The following AK7 variants were observed in gnomAD, a reference collection of about 807,000 sequenced individuals.
AK7 encodes the protein adenylate kinase 7.
AK7 carries 78 observed loss-of-function variants against 96.6 expected under a neutral mutation model. The observed-to-expected ratio is 0.81, with a 90% confidence interval of 0.67 to 0.97. AK7 has a LOEUF of 0.97. AK7 is among the 50% of genes least tolerant of loss of function. AK7 has a pLI of 0.00. For missense variants in AK7, 855 were observed against 887.9 expected (o/e 0.96, Z 0.47); for synonymous variants, 302 against 317.2 (o/e 0.95, Z 0.51).
chr14:96,398,862 G>A (rs1890240337), intron 2 of AK7: 1 of 153,810 alleles, frequency 6.5e-6, no homozygotes, highest in African/African-American at 2.4e-5. Flanking sequence ...TTAAATGTCT[G>A]AGAAGAAGTG....
At chr14:96,475,811 C>T (rs1357188012) in intron 14 of AK7, among the ~76,000 whole-genome samples, 1 of 151,884 alleles carries the variant, frequency 6.6e-6, no homozygotes, top group African/African-American at 2.4e-5. Flanking sequence ...CATCTCCACA[C>T]ACACAAAAAC....
At chr14:96,451,380 A>T in intron 9 of AK7, 41 bp from the exon 10 acceptor site, 1 of 1,500,620 alleles carries the variant, frequency 6.7e-7, no homozygotes, top group Non-Finnish European at 8.9e-7. Context: ...GTCAGAATTA[A>T]ACAAAAAAAG....
At chr14:96,423,045 C>G (rs1891800520) in intron 5 of AK7, among the ~76,000 whole-genome samples, 1 of 152,232 alleles carries the variant, frequency 6.6e-6, no homozygotes, top group Non-Finnish European at 1.5e-5. Context: ...TTGACAGACA[C>G]AGATGTAGGG....
chr14:96,432,010 A>G (rs565385388), intron 5 of AK7, among the ~76,000 whole-genome samples: 2 of 152,210 alleles, frequency 1.3e-5, no homozygotes, highest in East Asian at 3.9e-4. Flanking sequence ...ACCATTATGT[A>G]ATGGCCTTCT....
In AK7 at chr14:96,451,343, CTG is replaced by C. The variant is rs972297310; in HGVS notation, c.949-76_949-75del. The C allele has an allele frequency of 5.6e-6, 7 of 1,256,998 alleles. No individual in the cohort carries two copies. The African/African-American group carries it at 7.6e-5, about 14-fold the overall frequency. The allele number at this position is 1,256,998 out of a possible 1,614,324, so 77.9% of individuals were successfully genotyped here. A position where few individuals can be genotyped will look rare whatever the true frequency, so the allele number is the denominator to read the frequency against. On this transcript the variant is annotated intron_variant, in intron 9 of 17. Transcript: ENST00000267584. ...AATGTATATTGTTTTTCTTTAATAA[CTG>C]TAGTGATTTTGGTCTGTTATGACAG...
chr14:96,417,184 A>C (rs1595387288), intron 4 of AK7, among the ~76,000 whole-genome samples: 1 of 152,240 alleles, frequency 6.6e-6, no homozygotes, highest in African/African-American at 2.4e-5. Context: ...CTGAAGGCAA[A>C]GCTGACTACA....
chr14:96,392,207 A>T lies in AK7; in HGVS notation c.53A>T (p.Gln18Leu). The T allele has an allele frequency of 6.2e-7, 1 of 1,613,798 alleles. No individual in the cohort carries two copies. Among genetic ancestry groups the T allele is most frequent in the Non-Finnish European group, 8.5e-7 (1 of 1,179,712 alleles). ...AALTEKVIRTQRVFINLLDSY... is the reference protein window; with the variant it reads ...AALTEKVIRTLRVFINLLDSY... ...CTCACGGAGAAGGTTATCCGGACCCAGAGGGTGTTTATAAACCTGTTGGAT... is the reference window on the plus strand; with the variant it reads ...CTCACGGAGAAGGTTATCCGGACCCTGAGGGTGTTTATAAACCTGTTGGAT... The change falls in exon 1 of 18, where the codon CAG (glutamine) becomes CTG (leucine). Residue 18 changes from glutamine (Q) to leucine (L), a missense_variant. Coordinates refer to ENST00000267584, the MANE Select transcript of AK7 (RefSeq NM_152327.5).
chr14:96,470,847 G>A (rs903749760), intron 12 of AK7, among the ~76,000 whole-genome samples: 3 of 152,148 alleles, frequency 2.0e-5, no homozygotes, highest in Non-Finnish European at 2.9e-5. Flanking sequence ...TATCAAAACA[G>A]AAACCCTGCG....
Position 96,458,441 on chromosome 14 carries a change from A to G in AK7, c.1357+229A>G, listed in dbSNP as rs867262965. 3.9e-5 allele frequency among the ~76,000 whole-genome samples: 6 copies of G among 152,172 alleles called. No individual in the cohort carries two copies. The South Asian group carries it at 1.2e-3, about 32-fold the overall frequency. The stretch of plus-strand genomic sequence containing the variant: ...CGAAACCCCATCTCTACAAAAAAAT[A>G]CAAAAATTAGCTAGGCATGGCCAGG... On this transcript the variant is annotated intron_variant, in intron 12 of 17. Transcript: ENST00000267584.
chr14:96,400,742 G>A lies in AK7; in HGVS notation c.294+2479G>A, dbSNP rs371820977. ...AAGCATCTCTTTGAGTCTCACTGTCGTGAATGGAATCATTGTCCCTTTCCT... is the reference window on the plus strand; with the variant it reads ...AAGCATCTCTTTGAGTCTCACTGTCATGAATGGAATCATTGTCCCTTTCCT... On this transcript the variant is annotated intron_variant, in intron 2 of 17. Transcript: ENST00000267584. Among the ~76,000 whole-genome samples, 111 of 152,320 alleles carry A rather than the reference G, an allele frequency of 7.3e-4. 1 individual carries two copies. The highest frequency in any genetic ancestry group is 6.8e-3 in the Middle Eastern group (2 of 294).
At chr14:96,420,693 A>C (rs1891628499) in intron 4 of AK7, 129 bp from the exon 5 acceptor site, 1 of 668,832 alleles carries the variant, frequency 1.5e-6, no homozygotes, top group African/African-American at 1.8e-5. Context: ...ACCCTGTCTC[A>C]AAAATAAAAA....
intron 15 of AK7, among the ~76,000 whole-genome samples, chr14:96,480,030 A>G (rs1001579738): frequency 2.6e-5 from 4 of 152,206 alleles, no homozygotes; most frequent in Admixed American, 2.6e-4. Flanking sequence ...GATTGTTACA[A>G]ACGGTAGAGA....
intron 5 of AK7, among the ~76,000 whole-genome samples, chr14:96,422,647 G>A (rs989923290): frequency 2.0e-5 from 3 of 152,272 alleles, no homozygotes. Flanking sequence ...CTCTGCAGGG[G>A]GAAGCACATC....
At chr14:96,457,533 CCT>C (rs923310291) in intron 11 of AK7, among the ~76,000 whole-genome samples, 5 of 152,128 alleles carry the variant, frequency 3.3e-5, no homozygotes, top group African/African-American at 9.7e-5. Flanking sequence ...ACAGGGCTGT[CCT>C]CTGAGACGGA....
intron 6 of AK7, among the ~76,000 whole-genome samples, chr14:96,440,866 G>T (rs531332340): frequency 6.6e-5 from 10 of 152,294 alleles, no homozygotes; most frequent in African/African-American, 2.4e-4. Context: ...ATTTTTTAAA[G>T]ATGTGGGTAA....
At position 96,399,803 on chromosome 14, in the gene AK7, C is replaced by T. The variant is rs1890299468; in HGVS notation, c.294+1540C>T. On this transcript the variant is annotated intron_variant, in intron 2 of 17. Coordinates refer to ENST00000267584, the MANE Select transcript of AK7 (RefSeq NM_152327.5). The surrounding 1 kb of genome is among the most constrained non-coding windows in gnomAD (Gnocchi z 4.1). ...TCTCTGGCTCCTTTTCCTCTTTTAC[C>T]CTTTAAATGCGGTTTTCCCCAGAGC... 6.6e-6 allele frequency among the ~76,000 whole-genome samples: 1 copy of T among 152,106 alleles called. No homozygotes were observed. The highest frequency in any genetic ancestry group is 1.5e-5 in the Non-Finnish European group (1 of 68,026).
At chr14:96,467,243 G>A (rs1894620325) in intron 12 of AK7, among the ~76,000 whole-genome samples, 1 of 151,690 alleles carries the variant, frequency 6.6e-6, no homozygotes, top group African/African-American at 2.4e-5. Context: ...AGTGCAGTAT[G>A]AAAGATTTTG....
At chr14:96,396,929 T>A (rs1249916598) in intron 1 of AK7, among the ~76,000 whole-genome samples, 1 of 152,036 alleles carries the variant, frequency 6.6e-6, no homozygotes, top group Non-Finnish European at 1.5e-5. Context: ...TCTACAAAAA[T>A]AAATATAAAA....
intron 9 of AK7, among the ~76,000 whole-genome samples, chr14:96,451,010 G>A (rs1191286720): frequency 6.6e-6 from 1 of 150,898 alleles, no homozygotes; most frequent in Admixed American, 6.6e-5. Flanking sequence ...ACCTGACCTT[G>A]TGATCTGCCC....
Sources: gnomAD v4.1 joint callset for allele counts (sites outside exome capture counted in the v4.1 genomes callset) on GRCh38, gnomAD v4.1.1 for gene constraint, Gnocchi (gnomAD v3.1) non-coding constraint, MANE v1.5 for transcripts, NCBI Gene and HGNC (gene_info 2026-07-23, HGNC 2026-07-21) for gene names.